GABRB1: variants seen among roughly 807,000 people sequenced by gnomAD.
The protein encoded by GABRB1 is gamma-aminobutyric acid receptor subunit beta-1.
In GABRB1, 17 loss-of-function variants were observed where a neutral mutation model predicts 51.6. The ratio of observed to expected loss-of-function variants is 0.33; its 90% CI spans 0.23 to 0.49. The LOEUF (loss-of-function observed/expected upper bound fraction) is 0.49. Ranked by LOEUF, GABRB1 falls within the 20% of genes least tolerant of loss-of-function variation. The pLI is 0.99. For synonymous variants in GABRB1, 247 were observed against 218.9 expected (o/e 1.13, Z -1.14); for missense variants, 410 against 600.6 (o/e 0.68, Z 3.32).
chr4:47,391,289 G>A (rs997168342), intron 5 of GABRB1, among the ~76,000 whole-genome samples: 1 of 152,130 alleles, frequency 6.6e-6, no homozygotes, highest in East Asian at 1.9e-4. Flanking sequence ...AACAAAGTGC[G>A]TGTGAGCTTG....
Position 47,403,543 on chromosome 4 carries a change from T to G in GABRB1, c.683-16T>G. 6.2e-7 allele frequency: 1 copy of G among 1,613,828 alleles called. No individual in the cohort carries two copies. Among genetic ancestry groups the G allele is most frequent in the Non-Finnish European group, 8.5e-7 (1 of 1,179,838 alleles). ...AAATAATGGTCTGATTACTTGTCTT[T>G]TGTTTCTCAACTCAGGAGCGTATCC... On this transcript the variant is annotated splice_polypyrimidine_tract_variant and intron_variant, in intron 6 of 8. Transcript: ENST00000295454.
chr4:47,378,334 G>A (rs1415459559), intron 5 of GABRB1, among the ~76,000 whole-genome samples: 1 of 152,180 alleles, frequency 6.6e-6, no homozygotes, highest in Non-Finnish European at 1.5e-5. Flanking sequence ...GGCAGGGCCG[G>A]CCGGCCGCTC....
intron 8 of GABRB1, 85 bp downstream of exon 8, chr4:47,407,011 T>C: frequency 7.7e-7 from 1 of 1,296,200 alleles, no homozygotes; most frequent in Admixed American, 2.3e-5. Context: ...TAAAAACGAT[T>C]AATAAAAAAA....
At chr4:47,120,876 T>C (rs1326773487) in intron 3 of GABRB1, among the ~76,000 whole-genome samples, 1 of 151,966 alleles carries the variant, frequency 6.6e-6, no homozygotes. Context: ...CTCTCCCCTC[T>C]CCTCTTCTGA....
chr4:47,302,241 A>G (rs1224924336), intron 4 of GABRB1, among the ~76,000 whole-genome samples: 1 of 152,056 alleles, frequency 6.6e-6, no homozygotes, highest in Non-Finnish European at 1.5e-5. Context: ...CGTTTCTTCC[A>G]TTTTCCTATT....
chr4:47,194,313 C>G (rs776714904), intron 4 of GABRB1, among the ~76,000 whole-genome samples: 3 of 152,120 alleles, frequency 2.0e-5, no homozygotes, highest in Non-Finnish European at 2.9e-5. Context: ...CAATAATATA[C>G]ATACTCTTTT....
At chr4:47,285,607 G>C (rs1312690004) in intron 4 of GABRB1, among the ~76,000 whole-genome samples, 1 of 152,166 alleles carries the variant, frequency 6.6e-6, no homozygotes, top group Non-Finnish European at 1.5e-5. Flanking sequence ...GGTTCCTAGA[G>C]TGGTTAAGAG....
At chr4:47,151,565 T>C (rs1717457009) in intron 3 of GABRB1, among the ~76,000 whole-genome samples, 1 of 152,046 alleles carries the variant, frequency 6.6e-6, no homozygotes, top group Admixed American at 6.6e-5. Flanking sequence ...CATGTAGTCA[T>C]AGTCCACCTA....
At chr4:47,308,462 T>C (rs1724548430) in intron 4 of GABRB1, among the ~76,000 whole-genome samples, 1 of 152,080 alleles carries the variant, frequency 6.6e-6, no homozygotes, top group Admixed American at 6.6e-5. Context: ...TTCTGTCCTA[T>C]TTGGTTTTGG....
chr4:47,160,196 G>T (rs926696259), intron 3 of GABRB1, among the ~76,000 whole-genome samples: 8 of 152,004 alleles, frequency 5.3e-5, no homozygotes, highest in African/African-American at 1.7e-4. Context: ...AAAAGTTCAG[G>T]GGGATATCCT....
At chr4:47,398,557 TAGAGAGAG>T (rs1182836628) in intron 5 of GABRB1, among the ~76,000 whole-genome samples, 3 of 151,528 alleles carry the variant, frequency 2.0e-5, no homozygotes, top group Non-Finnish European at 4.4e-5. Flanking sequence ...CTCATATATA[TAGAGAGAG>T]AGAGAGAGAG....
chr4:47,159,081 A>G (rs376140266), intron 3 of GABRB1, among the ~76,000 whole-genome samples: 3 of 151,632 alleles, frequency 2.0e-5, no homozygotes, highest in African/African-American at 7.2e-5. Context: ...ATTTGAGACC[A>G]GCCTGAGCAA....
intron 3 of GABRB1, among the ~76,000 whole-genome samples, chr4:47,129,343 C>T (rs905062749): frequency 2.6e-5 from 4 of 152,060 alleles, no homozygotes; most frequent in South Asian, 2.1e-4. Context: ...TAAATGTCCC[C>T]GCCTACAAAT....
At chr4:47,067,485 A>G (rs535752225) in intron 3 of GABRB1, among the ~76,000 whole-genome samples, 5 of 152,178 alleles carry the variant, frequency 3.3e-5, no homozygotes, top group African/African-American at 7.2e-5. Context: ...AGTGTAGCCA[A>G]CTTCATCAAT....
chr4:47,297,670 G>A (rs1265050715), intron 4 of GABRB1, among the ~76,000 whole-genome samples: 1 of 152,084 alleles, frequency 6.6e-6, no homozygotes, highest in South Asian at 2.1e-4. Flanking sequence ...GCCAAATTCT[G>A]CCAAAGGTAC....
chr4:47,040,564 T>A (rs1725796482), intron 3 of GABRB1, among the ~76,000 whole-genome samples: 2 of 152,022 alleles, frequency 1.3e-5, no homozygotes, highest in African/African-American at 4.8e-5. Context: ...CACCACACCA[T>A]CTCTTTCACT....
chr4:47,262,118 A>T (rs867375915), intron 4 of GABRB1, among the ~76,000 whole-genome samples: 22 of 151,712 alleles, frequency 1.5e-4, no homozygotes, highest in African/African-American at 4.1e-4. Context: ...ATTACCATTC[A>T]GGACATAGGC....
At chr4:47,310,862 G>A (rs907289251) in intron 4 of GABRB1, among the ~76,000 whole-genome samples, 1 of 152,126 alleles carries the variant, frequency 6.6e-6, no homozygotes, top group Non-Finnish European at 1.5e-5. Flanking sequence ...CTTTGCAGAT[G>A]TAACTAAGAT....
chr4:47,151,539 T>G (rs764644378), intron 3 of GABRB1, among the ~76,000 whole-genome samples: 2 of 152,042 alleles, frequency 1.3e-5, no homozygotes, highest in East Asian at 3.9e-4. Flanking sequence ...TACCACATAT[T>G]GGTTACCATT....
Sources: allele counts gnomAD v4.1 joint callset (sites outside exome capture counted in the v4.1 genomes callset), GRCh38; gene constraint gnomAD v4.1.1; transcripts MANE v1.5; gene names NCBI Gene and HGNC (gene_info 2026-07-23, HGNC 2026-07-21).